CACNA2D1: variants seen among roughly 807,000 people sequenced by gnomAD.
The protein encoded by CACNA2D1 is calcium voltage-gated channel auxiliary subunit alpha2delta 1, also known as voltage-dependent calcium channel subunit alpha-2/delta-1.
In CACNA2D1, 53 loss-of-function variants were observed where a neutral mutation model predicts 171.5. The ratio of observed to expected loss-of-function variants is 0.31; its 90% CI spans 0.25 to 0.39. CACNA2D1 has a LOEUF of 0.39. CACNA2D1 is among the 10% of genes least tolerant of loss of function. The pLI is 1.00. For missense variants in CACNA2D1, 903 were observed against 1,299.8 expected, an observed-to-expected ratio of 0.69 and a Z score of 4.69; for synonymous variants, 442 against 443.1, an observed-to-expected ratio of 1.00 and a Z score of 0.03.
chr7:82,104,473 T>C (rs1813072803), intron 6 of CACNA2D1, among the ~76,000 whole-genome samples: 1 of 152,072 alleles, frequency 6.6e-6, no homozygotes. Flanking sequence ...AAATATTATA[T>C]TCTTATGAAA....
chr7:82,174,826 G>T (rs1472177663), intron 3 of CACNA2D1, among the ~76,000 whole-genome samples: 1 of 152,058 alleles, frequency 6.6e-6, no homozygotes, highest in African/African-American at 2.4e-5. Context: ...AAACGCTTTT[G>T]CTATGCAGTG....
chr7:82,059,881 C>T (rs1370402273), intron 10 of CACNA2D1, among the ~76,000 whole-genome samples: 4 of 142,594 alleles, frequency 2.8e-5, no homozygotes, highest in Non-Finnish European at 6.0e-5. Context: ...TCATTCTCAG[C>T]AAACTATCGC....
Position 82,349,669 on chromosome 7 carries a change from TTA to T in CACNA2D1, c.96-22_96-21del. On this transcript the variant is annotated intron_variant, in intron 1 of 38. Transcript: ENST00000356860. ...TTGATACTGCAGAAATCAGAAAAGA[TTA>T]TGTTCTATCAGATCTCTGGCAAATA... 6.4e-7 allele frequency: 1 copy of T among 1,571,364 alleles called. No individual in the cohort carries two copies. The highest frequency in any genetic ancestry group is 8.8e-7 in the Non-Finnish European group (1 of 1,141,280).
intron 7 of CACNA2D1, among the ~76,000 whole-genome samples, chr7:82,079,848 T>C (rs73151537): frequency 0.019 from 2,916 of 152,072 alleles, 46 homozygotes; most frequent in South Asian, 0.032. Flanking sequence ...AAGAAATCTA[T>C]CATATAAACG....
chr7:82,239,487 T>C (rs1049065871), intron 3 of CACNA2D1, among the ~76,000 whole-genome samples: 3 of 152,164 alleles, frequency 2.0e-5, no homozygotes, highest in African/African-American at 7.2e-5. Flanking sequence ...TTAGTAGTGA[T>C]AACAATAGTA....
In CACNA2D1 at chr7:81,959,508, G is replaced by A. The variant is rs1390950414; in HGVS notation, c.3077-151C>T. On this transcript the variant is annotated intron_variant, in intron 37 of 38. Coordinates refer to ENST00000356860, the MANE Select transcript of CACNA2D1 (RefSeq NM_000722.4). Reference sequence around the variant, plus strand: ...CAATTCAAGTACATAGGGATTTAAAGAACTAAATTGTGAATTATCCTTTTC... The same window carrying A: ...CAATTCAAGTACATAGGGATTTAAAAAACTAAATTGTGAATTATCCTTTTC... 1.3e-5 allele frequency: 10 copies of A among 788,532 alleles called. No individual in the cohort carries two copies. The East Asian group carries it at 2.7e-4, about 21-fold the overall frequency. The allele number at this position is 788,532 out of a possible 1,614,324, so 48.8% of individuals were successfully genotyped here. A position where few individuals can be genotyped will look rare whatever the true frequency, so the allele number is the denominator to read the frequency against.
chr7:82,219,709 A>G (rs1408388046), intron 3 of CACNA2D1, among the ~76,000 whole-genome samples: 1 of 152,156 alleles, frequency 6.6e-6, no homozygotes, highest in Admixed American at 6.5e-5. Flanking sequence ...TTAAATTTAT[A>G]CATGCTTAAA....
chr7:82,222,192 T>C (rs887581170), intron 3 of CACNA2D1, among the ~76,000 whole-genome samples: 3 of 152,128 alleles, frequency 2.0e-5, no homozygotes, highest in African/African-American at 4.8e-5. Context: ...CAGTAGAAAG[T>C]GGAAGCCCCA....
intron 3 of CACNA2D1, among the ~76,000 whole-genome samples, chr7:82,235,745 T>C (rs993407471): frequency 1.3e-5 from 2 of 152,086 alleles, no homozygotes; most frequent in African/African-American, 4.8e-5. Context: ...CCAAGCACCA[T>C]TGTCTAACTA....
chr7:82,238,572 G>T (rs1202173572), intron 3 of CACNA2D1, among the ~76,000 whole-genome samples: 1 of 151,946 alleles, frequency 6.6e-6, no homozygotes, highest in Non-Finnish European at 1.5e-5. Flanking sequence ...AACAATAACA[G>T]ATGCTGGCAA....
chr7:82,111,460 T>C (rs1788451413), intron 6 of CACNA2D1, among the ~76,000 whole-genome samples: 1 of 126,848 alleles, frequency 7.9e-6, no homozygotes, highest in South Asian at 2.4e-4. Flanking sequence ...TTTTTTTTTT[T>C]TTTTTGAGAC....
chr7:82,112,239 T>C (rs568635752), intron 6 of CACNA2D1, among the ~76,000 whole-genome samples: 10 of 152,194 alleles, frequency 6.6e-5, no homozygotes, highest in Non-Finnish European at 1.3e-4. Context: ...AAATCATCTG[T>C]TATCCAAAGA....
At chr7:82,144,157 C>T (rs1414443696) in intron 4 of CACNA2D1, among the ~76,000 whole-genome samples, 1 of 151,622 alleles carries the variant, frequency 6.6e-6, no homozygotes, top group East Asian at 1.9e-4. Context: ...CTTCCTTCAT[C>T]TGTTGGCTTC....
At chr7:82,229,639 G>C (rs1355584479) in intron 3 of CACNA2D1, among the ~76,000 whole-genome samples, 2 of 151,826 alleles carry the variant, frequency 1.3e-5, no homozygotes, top group Non-Finnish European at 2.9e-5. Flanking sequence ...AGCACACGTA[G>C]AGCCTTCTTT....
At chr7:82,406,443 T>C (rs1334267740) in intron 1 of CACNA2D1, among the ~76,000 whole-genome samples, 1 of 152,226 alleles carries the variant, frequency 6.6e-6, no homozygotes, top group Non-Finnish European at 1.5e-5. Context: ...GCATTTCTAG[T>C]TCTAGATCCC....
chr7:82,050,305 T>C (rs1182133888), intron 10 of CACNA2D1: 3 of 388,918 alleles, frequency 7.7e-6, no homozygotes, highest in Admixed American at 7.6e-5. Flanking sequence ...TACAGTGTCA[T>C]AGATAAAAGG....
intron 3 of CACNA2D1, among the ~76,000 whole-genome samples, chr7:82,244,470 T>A: frequency 6.6e-6 from 1 of 152,160 alleles, no homozygotes; most frequent in Middle Eastern, 3.2e-3. Flanking sequence ...TAGGCTTAGT[T>A]TTGGTTTTCT....
At chr7:82,327,680 C>T (rs566707685) in intron 3 of CACNA2D1, among the ~76,000 whole-genome samples, 1 of 152,138 alleles carries the variant, frequency 6.6e-6, no homozygotes. Flanking sequence ...AGTTTTTCCT[C>T]CTGATTTCAT....
intron 6 of CACNA2D1, among the ~76,000 whole-genome samples, chr7:82,108,870 C>T (rs1459440510): frequency 2.0e-5 from 3 of 152,068 alleles, no homozygotes; most frequent in Non-Finnish European, 4.4e-5. Flanking sequence ...CAGGCTTGTC[C>T]TCAATGTCTT....
Sources: allele counts gnomAD v4.1 joint callset (sites outside exome capture counted in the v4.1 genomes callset), GRCh38; gene constraint gnomAD v4.1.1; transcripts MANE v1.5; gene names NCBI Gene and HGNC (gene_info 2026-07-23, HGNC 2026-07-21).